Variants in PRSS36 observed in about 807,000 individuals in gnomAD.
PRSS36 encodes serine protease 36, also known as polyserase-2.
In PRSS36, 90 loss-of-function variants were observed where a neutral mutation model predicts 94.3. The observed-to-expected ratio is 0.95, with a 90% CI of 0.80 to 1.14. The LOEUF (loss-of-function observed/expected upper bound fraction) is 1.14, where lower values mean the gene tolerates loss of function less well. PRSS36 is among the 50% of genes most tolerant of loss of function. The pLI is 0.00. For missense variants in PRSS36, 1,158 were observed against 1,135.0 expected (o/e 1.02, Z -0.29); for synonymous variants, 500 against 489.6 (o/e 1.02, Z -0.28).
intron 2 of PRSS36, 78 bp downstream of exon 2, chr16:31,149,618 A>G: frequency 1.2e-6 from 2 of 1,608,344 alleles, no homozygotes; most frequent in Non-Finnish European, 1.7e-6. Context: ...CCGTTCAGCA[A>G]CCCCTGCCAG....
At chr16:31,146,529 TCAA>T (rs2057801434) in intron 5 of PRSS36, among the ~76,000 whole-genome samples, 1 of 152,192 alleles carries the variant, frequency 6.6e-6, no homozygotes, top group Non-Finnish European at 1.5e-5. Context: ...GGAATGCTAC[TCAA>T]GTTCAGTTCT....
chr16:31,139,474 C>G (rs764090010), intron 14 of PRSS36, 58 bp from the exon 15 acceptor site: 13 of 1,569,020 alleles, frequency 8.3e-6, no homozygotes, highest in Non-Finnish European at 1.0e-5. Context: ...GTCCCCTCCC[C>G]CTTTCCCCAG....
At position 31,139,088 on chromosome 16, in the gene PRSS36, C is replaced by CG; in HGVS notation, c.*49dup. 1 of 1,501,980 alleles carries CG rather than the reference C, an allele frequency of 6.7e-7. No homozygotes were observed. The highest frequency in any genetic ancestry group is 1.4e-5 in the South Asian group (1 of 73,792). The allele number at this position is 1,501,980 out of a possible 1,614,324, so 93.0% of individuals were successfully genotyped here. On this transcript the variant is annotated 3_prime_UTR_variant, in exon 15 of 15. Coordinates refer to ENST00000268281, the MANE Select transcript of PRSS36 (RefSeq NM_173502.5). Reference sequence around the variant, plus strand: ...TGGGCCACATTCCAGCCCCACTGGGCGGGAAGTAGAGGGTGGAGAAGGGGG... The same window carrying CG: ...TGGGCCACATTCCAGCCCCACTGGGCGGGGAAGTAGAGGGTGGAGAAGGGGG...
chr16:31,150,021 C>A lies in PRSS36; in HGVS notation c.15G>T (p.Leu5=). ...TACCAAGCATCACAAGGGGGAGGAG[C>A]AGGTGCCGGGCCATGGCGCTAGAGT... MARH[L]LLPLVMLVIS... Residue 5 remains leucine, a synonymous_variant, in exon 1 of 15, where the codon CTG becomes CTT. Coordinates refer to ENST00000268281, the MANE Select transcript of PRSS36 (RefSeq NM_173502.5). 6.2e-7 allele frequency: 1 copy of A among 1,613,994 alleles called. No homozygotes were observed. Among genetic ancestry groups the A allele is most frequent in the South Asian group, 1.1e-5 (1 of 91,080 alleles).
rs768053646 is a variant in PRSS36, at chr16:31,140,671, C to T, written c.1988G>A (p.Arg663His). 19 of 1,613,868 alleles carry T rather than the reference C, an allele frequency of 1.2e-5. No homozygotes were observed. The highest frequency in any genetic ancestry group is 2.7e-5 in the African/African-American group (2 of 74,906). ...GGGCAGCCGGATGCTGATGACCAAG[C>T]GGGATACCTGGTGGCCCTGTGGGAG... Reference protein sequence around the residue: ...SSLPQGHQVSRLVISIRLPQH... With the variant: ...SSLPQGHQVSHLVISIRLPQH... The change falls in exon 13 of 15, where the codon CGC (arginine) becomes CAC (histidine). Residue 663 changes from arginine to histidine, a missense_variant. Transcript: ENST00000268281.
intron 6 of PRSS36, 131 bp downstream of exon 6, chr16:31,145,658 C>T: frequency 5.5e-6 from 5 of 909,142 alleles, no homozygotes; most frequent in Non-Finnish European, 8.2e-6. Flanking sequence ...AAACAAAAAA[C>T]TTCACGTCAA....
Position 31,139,182 on chromosome 16 carries a change from C to A in PRSS36, c.2524G>T (p.Ala842Ser). ...GTCAGCAGGAGCAGGAAGTAGACTG[C>A]ATGCGGGGATCCCGAGGCCTTGGCC... is the stretch of plus-strand genomic sequence containing the variant. ...ELAKASGSPH[A>S]VYFLLLLTLL... Residue 842 changes from alanine to serine, a missense_variant, in exon 15 of 15, where the codon GCA (alanine) becomes TCA (serine). Transcript: ENST00000268281. 1 of 1,602,524 alleles carries A rather than the reference C, an allele frequency of 6.2e-7. No individual in the cohort carries two copies. The highest frequency in any genetic ancestry group is 8.5e-7 in the Non-Finnish European group (1 of 1,172,904).
rs761384505 is a variant in PRSS36 at position 31,143,822 on chromosome 16, G to C, written c.736C>G (p.Pro246Ala). 6.2e-7 allele frequency: 1 copy of C among 1,613,516 alleles called. No individual in the cohort carries two copies. The highest frequency in any genetic ancestry group is 8.5e-7 in the Non-Finnish European group (1 of 1,180,006). The stretch of plus-strand genomic sequence containing the variant: ...CGGCCGCCTTCCTCACAGACCAGGG[G>C]CCCCCCAGAGTCACCCTAGTGGCAG... ...RDTCQGDSGG[P>A]LVCEEGGRWF... is the part of the protein sequence containing the mutation. The change falls in exon 7 of 15, where the codon CCC (proline) becomes GCC (alanine). Residue 246 changes from proline to alanine, a missense_variant. Transcript: ENST00000268281.
chr16:31,146,365 C>T (rs1212353112), intron 5 of PRSS36, among the ~76,000 whole-genome samples: 1 of 148,506 alleles, frequency 6.7e-6, no homozygotes, highest in African/African-American at 2.4e-5. Flanking sequence ...TCTCCTCTCT[C>T]AACTCCCCTC....
At position 31,139,189 on chromosome 16, in the gene PRSS36, GGATCCCGA is replaced by G; in HGVS notation, c.2509_2516del (p.Ser837ProfsTer20). The G allele has an allele frequency of 1.2e-6, 2 of 1,605,824 alleles. No homozygotes were observed. Among genetic ancestry groups the G allele is most frequent in the Non-Finnish European group, 1.7e-6 (2 of 1,174,620 alleles). On this transcript the variant is annotated frameshift_variant, in exon 15 of 15. Transcript: ENST00000268281. LOFTEE classifies it low-confidence loss of function (END_TRUNC). ...GGAGCAGGAAGTAGACTGCATGCGGGGATCCCGAGGCCTTGGCCAGTTCTGGGGGGCAG... is the reference window on the plus strand; with the variant it reads ...GGAGCAGGAAGTAGACTGCATGCGGGGGCCTTGGCCAGTTCTGGGGGGCAG...
At position 31,140,483 on chromosome 16, in the gene PRSS36, G is replaced by C; in HGVS notation, c.2167+9C>G. The C allele has an allele frequency of 6.3e-7, 1 of 1,590,582 alleles. No individual in the cohort carries two copies. The highest frequency in any genetic ancestry group is 2.2e-5 in the East Asian group (1 of 44,656). On this transcript the variant is annotated intron_variant, in intron 13 of 14. Coordinates refer to ENST00000268281, the MANE Select transcript of PRSS36 (RefSeq NM_173502.5). ...GCTACTCCTCGTTCCCGTGACCCAGGGGTCTCACCTCGGTCCTGGGGTTCT... is the reference window on the plus strand; with the variant it reads ...GCTACTCCTCGTTCCCGTGACCCAGCGGTCTCACCTCGGTCCTGGGGTTCT...
rs535847788 is a variant in PRSS36, at chr16:31,141,392, CAAAT to C, written c.1901+73_1901+76del. 3,320 of 1,480,650 alleles carry C rather than the reference CAAAT, an allele frequency of 2.2e-3. 23 individuals are homozygous for C. The highest frequency in any genetic ancestry group is 0.014 in the African/African-American group (1,010 of 71,166). 91.7% of individuals were successfully genotyped at this position (1,480,650 alleles called of 1,614,324 possible). ...AATTTTTTTTAAACAAACAAACAAA[CAAAT>C]AACAAAAACAAGTCTTTGGCTCTGT... is the stretch of plus-strand genomic sequence containing the variant. On this transcript the variant is annotated intron_variant, in intron 12 of 14. Coordinates refer to ENST00000268281, the MANE Select transcript of PRSS36 (RefSeq NM_173502.5).
intron 7 of PRSS36, 46 bp downstream of exon 7, chr16:31,143,540 ACT>A: frequency 6.2e-7 from 1 of 1,609,496 alleles, no homozygotes; most frequent in Non-Finnish European, 8.5e-7. Context: ...CTCCATCCCA[ACT>A]CACTCTCCCA....
Position 31,148,456 on chromosome 16 carries a change from TGAGGCG to T in PRSS36, c.486_491del (p.Ala163_Ser164del), listed in dbSNP as rs2057832115. 2 of 1,574,264 alleles carry T rather than the reference TGAGGCG, an allele frequency of 1.3e-6. No homozygotes were observed. The highest frequency in any genetic ancestry group is 1.7e-6 in the Non-Finnish European group (2 of 1,167,136). ...AGGCGGTGCCGTGCACGAAGCGGTG[TGAGGCG>T]CGGGGCAGGCAGACAGGCCACACGG... On this transcript the variant is annotated inframe_deletion, in exon 5 of 15. Coordinates refer to ENST00000268281, the MANE Select transcript of PRSS36 (RefSeq NM_173502.5).
In PRSS36 at chr16:31,149,107, A is replaced by C. The variant is rs2057854197; in HGVS notation, c.238T>G (p.Ser80Ala). ...HICGGSLIAP[S>A]WVLSAAHCFM... ...CAGTGAGCAGCGGAGAGGACCCAGG[A>C]GGGGGCGATGAGGGAGCCCCCGCAG... The change falls in exon 4 of 15, where the codon TCC becomes GCC. Residue 80 changes from serine (S) to alanine (A), a missense_variant. Transcript: ENST00000268281. 1.3e-6 allele frequency: 2 copies of C among 1,591,178 alleles called. No homozygotes were observed. The highest frequency in any genetic ancestry group is 2.3e-5 in the South Asian group (2 of 87,342).
Position 31,140,146 on chromosome 16 carries a change from G to A in PRSS36, c.2289+148C>T, listed in dbSNP as rs1168667708. The A allele has an allele frequency of 2.0e-4, 150 of 740,532 alleles. No individual in the cohort carries two copies. In the Admixed American group the frequency reaches 2.3e-3, roughly 11 times the overall value. 45.9% of individuals were successfully genotyped at this position (740,532 alleles called of 1,614,324 possible). ...GTGGAGCTTGCAGTGAGCCGAGATC[G>A]CGCCACTGCACTCCAGCTGGGGGAC... On this transcript the variant is annotated intron_variant, in intron 14 of 14. Transcript: ENST00000268281.
intron 5 of PRSS36, among the ~76,000 whole-genome samples, chr16:31,147,144 C>T (rs1027818992): frequency 3.9e-5 from 6 of 151,938 alleles, no homozygotes; most frequent in South Asian, 2.1e-4. Context: ...TCTTCATGGC[C>T]GGGCCACAGC....
At position 31,140,924 on chromosome 16, in the gene PRSS36, C is replaced by G. The variant is rs1269578648; in HGVS notation, c.1902-167G>C. ...AAACATCTCCCAGTGCTGTAAGATTCTTCCCTCATGCCCCACCCCAGACAG... is the reference window on the plus strand; with the variant it reads ...AAACATCTCCCAGTGCTGTAAGATTGTTCCCTCATGCCCCACCCCAGACAG... On this transcript the variant is annotated intron_variant, in intron 12 of 14. Transcript: ENST00000268281. 3.3e-5 allele frequency among the ~76,000 whole-genome samples: 5 copies of G among 152,100 alleles called. No homozygotes were observed. In the East Asian group the frequency reaches 9.6e-4, roughly 29 times the overall value.
intron 10 of PRSS36, 109 bp downstream of exon 10, chr16:31,142,372 G>T (rs2057711555): frequency 8.0e-7 from 1 of 1,254,100 alleles, no homozygotes; most frequent in Non-Finnish European, 1.1e-6. Flanking sequence ...GCCTTCCGCA[G>T]GCCCCGCCCT....
Sources: gnomAD v4.1 joint callset for allele counts (sites outside exome capture counted in the v4.1 genomes callset) on GRCh38, gnomAD v4.1.1 for gene constraint, MANE v1.5 for transcripts, NCBI Gene and HGNC (gene_info 2026-07-23, HGNC 2026-07-21) for gene names.